PCDH15: variants seen among roughly 807,000 people sequenced by gnomAD.
PCDH15 encodes the protein protocadherin-15.
PCDH15 carries 129 observed loss-of-function variants against 178.5 expected under a neutral mutation model. That is an observed-to-expected ratio of 0.72 (90% CI 0.63 to 0.84). The LOEUF is 0.84. Ranked by LOEUF, PCDH15 falls within the 40% of genes least tolerant of loss-of-function variation. The pLI is 0.00. For synonymous variants in PCDH15, 800 were observed against 732.0 expected (o/e 1.09, Z -1.50); for missense variants, 2,230 against 2,099.9 (o/e 1.06, Z -1.21).
At chr10:54,859,144 C>T (rs904939094) in intron 3 of PCDH15, among the ~76,000 whole-genome samples, 1 of 152,056 alleles carries the variant, frequency 6.6e-6, no homozygotes, top group Non-Finnish European at 1.5e-5. Flanking sequence ...TTATGGCTCT[C>T]CCTTGCCTTC....
intron 2 of PCDH15, among the ~76,000 whole-genome samples, chr10:55,514,376 G>C (rs1311860176): frequency 6.6e-6 from 1 of 152,054 alleles, no homozygotes; most frequent in Non-Finnish European, 1.5e-5. Flanking sequence ...TAGAGGTCAA[G>C]AAAAAACTTC....
chr10:54,315,884 T>A (rs956576489), intron 8 of PCDH15, among the ~76,000 whole-genome samples: 2 of 152,138 alleles, frequency 1.3e-5, no homozygotes, highest in African/African-American at 4.8e-5. Context: ...CTTTTACCAG[T>A]CCTTTCAAGT....
intron 2 of PCDH15, among the ~76,000 whole-genome samples, chr10:54,553,379 TG>T (rs1241417837): frequency 2.0e-5 from 3 of 152,214 alleles, no homozygotes; most frequent in African/African-American, 7.2e-5. Context: ...CTTTGGTCAC[TG>T]TCAAGTTCCC....
intron 25 of PCDH15, among the ~76,000 whole-genome samples, chr10:53,931,903 T>C (rs2085096009): frequency 6.6e-6 from 1 of 152,160 alleles, no homozygotes; most frequent in African/African-American, 2.4e-5. Context: ...TTTTACTTTT[T>C]TCTTTATTAA....
chr10:55,338,642 C>T (rs1844464711), intron 2 of PCDH15, among the ~76,000 whole-genome samples: 1 of 152,036 alleles, frequency 6.6e-6, no homozygotes, highest in Non-Finnish European at 1.5e-5. Flanking sequence ...GTGGGGTGCA[C>T]TTGTAATCCC....
intron 3 of PCDH15, among the ~76,000 whole-genome samples, chr10:54,806,597 C>T (rs1226358027): frequency 6.6e-6 from 1 of 151,644 alleles, no homozygotes; most frequent in Non-Finnish European, 1.5e-5. Flanking sequence ...AATTCTCCTG[C>T]CTCAGCCTCC....
intron 1 of PCDH15, among the ~76,000 whole-genome samples, chr10:54,686,650 A>G (rs569958642): frequency 2.6e-5 from 4 of 152,072 alleles, no homozygotes; most frequent in Admixed American, 2.0e-4. Context: ...TTCCACCACC[A>G]TGTGTTGATT....
chr10:55,569,273 G>C (rs1320333008), intron 2 of PCDH15, among the ~76,000 whole-genome samples: 1 of 152,008 alleles, frequency 6.6e-6, no homozygotes, highest in Non-Finnish European at 1.5e-5. Context: ...AGATGCTTCA[G>C]TACTTTCAAA....
At chr10:55,549,556 G>A (rs1400254040) in intron 2 of PCDH15, among the ~76,000 whole-genome samples, 2 of 151,956 alleles carry the variant, frequency 1.3e-5, no homozygotes, top group East Asian at 3.9e-4. Flanking sequence ...AATGAGGGAG[G>A]GAGAAACAAA....
At chr10:54,812,583 C>T (rs867502060) in intron 3 of PCDH15, among the ~76,000 whole-genome samples, 1 of 152,032 alleles carries the variant, frequency 6.6e-6, no homozygotes, top group African/African-American at 2.4e-5. Context: ...CTCAGCTTCC[C>T]GAGTAGCTGG....
intron 25 of PCDH15, among the ~76,000 whole-genome samples, chr10:53,924,583 C>T (rs1017782949): frequency 3.3e-5 from 5 of 152,342 alleles, no homozygotes; most frequent in South Asian, 2.1e-4. Context: ...GCCGGACTGG[C>T]GGGCAGCTCC....
intron 3 of PCDH15, among the ~76,000 whole-genome samples, chr10:54,481,236 A>G (rs183107998): frequency 1.2e-4 from 18 of 152,008 alleles, no homozygotes; most frequent in African/African-American, 3.9e-4. Context: ...TTGTTTCACA[A>G]AAATTCTTAT....
chr10:55,559,945 C>G (rs376913253), intron 2 of PCDH15, among the ~76,000 whole-genome samples: 62 of 151,860 alleles, frequency 4.1e-4, no homozygotes, highest in African/African-American at 1.4e-3. Flanking sequence ...CAAATGCCAC[C>G]ATAGGAAAAC....
At chr10:54,552,790 G>T (rs1428031582) in intron 2 of PCDH15, among the ~76,000 whole-genome samples, 2 of 152,050 alleles carry the variant, frequency 1.3e-5, no homozygotes, top group Non-Finnish European at 2.9e-5. Flanking sequence ...CATTACTCTG[G>T]TAAGAGTTCA....
chr10:54,261,303 T>C (rs1445470600), intron 8 of PCDH15, among the ~76,000 whole-genome samples: 2 of 152,084 alleles, frequency 1.3e-5, no homozygotes, highest in Non-Finnish European at 2.9e-5. Context: ...ATTAATATGA[T>C]CAATGGATAA....
chr10:54,669,294 A>C (rs756387741), intron 1 of PCDH15, among the ~76,000 whole-genome samples: 1 of 151,798 alleles, frequency 6.6e-6, no homozygotes, highest in African/African-American at 2.4e-5. Flanking sequence ...AGCCTTTCAG[A>C]TATATTCCTT....
chr10:54,623,868 G>T (rs2093462984), intron 2 of PCDH15, among the ~76,000 whole-genome samples: 1 of 151,988 alleles, frequency 6.6e-6, no homozygotes, highest in African/African-American at 2.4e-5. Context: ...TACTCGCTTT[G>T]ATCTGTGTTG....
intron 2 of PCDH15, among the ~76,000 whole-genome samples, chr10:55,043,097 G>A (rs902343268): frequency 6.6e-5 from 10 of 151,964 alleles, no homozygotes; most frequent in African/African-American, 1.9e-4. Flanking sequence ...CCTAAGGAAT[G>A]TTTTTAGAAC....
At chr10:55,011,962 T>A (rs972138704) in intron 2 of PCDH15, among the ~76,000 whole-genome samples, 1 of 152,042 alleles carries the variant, frequency 6.6e-6, no homozygotes, top group Non-Finnish European at 1.5e-5. Flanking sequence ...CAAACAATAC[T>A]AAATCTTTTG....
Sources: gnomAD v4.1 joint callset for allele counts (sites outside exome capture counted in the v4.1 genomes callset) on GRCh38, gnomAD v4.1.1 for gene constraint, MANE v1.5 for transcripts, NCBI Gene and HGNC (gene_info 2026-07-23, HGNC 2026-07-21) for gene names.